SLC25A21: variants seen among roughly 807,000 people sequenced by gnomAD.
SLC25A21 encodes solute carrier family 25 member 21, also known as mitochondrial 2-oxodicarboxylate carrier.
A neutral mutation model predicts 43.8 loss-of-function variants in SLC25A21; 47 were observed. The observed-to-expected ratio is 1.07, with a 90% CI of 0.85 to 1.37. SLC25A21 has a LOEUF of 1.37. SLC25A21 is among the 40% of genes most tolerant of loss of function. SLC25A21 has a pLI of 0.00. For synonymous variants in SLC25A21, 131 were observed against 121.3 expected (o/e 1.08, Z -0.52); for missense variants, 352 against 350.2 (o/e 1.00, Z -0.04).
chr14:36,698,350 T>C (rs992699688), intron 7 of SLC25A21, among the ~76,000 whole-genome samples: 9 of 152,208 alleles, frequency 5.9e-5, no homozygotes, highest in African/African-American at 2.2e-4. Context: ...TTAACACCTT[T>C]TCCTTCATTT....
At chr14:37,111,934 C>T (rs1447741913) in intron 1 of SLC25A21, among the ~76,000 whole-genome samples, 3 of 152,052 alleles carry the variant, frequency 2.0e-5, no homozygotes, top group African/African-American at 7.2e-5. Flanking sequence ...GAGGACAAAT[C>T]GTGAAATGGA....
chr14:36,982,724 G>A (rs963617455), intron 1 of SLC25A21, among the ~76,000 whole-genome samples: 21 of 152,098 alleles, frequency 1.4e-4, no homozygotes, highest in Admixed American at 6.6e-5. Flanking sequence ...TGAGATGGGA[G>A]GATCGCTTGA....
At position 36,761,127 on chromosome 14, in the gene SLC25A21, A is replaced by C. The variant is rs372689211; in HGVS notation, c.204-26554T>G. ...CCTCTAAGGAGCTCAGCTCCTGCCC[A>C]TTCTCTCGTGAAAGGTTATCCGTGC... On this transcript the variant is annotated intron_variant, in intron 3 of 9. Coordinates refer to ENST00000331299, the MANE Select transcript of SLC25A21 (RefSeq NM_030631.4). Among the ~76,000 whole-genome samples the C allele has an allele frequency of 3.2e-4, 49 of 152,186 alleles. No homozygotes were observed. The South Asian group carries it at 1.0e-2, about 31-fold the overall frequency.
intron 2 of SLC25A21, among the ~76,000 whole-genome samples, chr14:36,840,408 TTA>T (rs1160415315): frequency 2.0e-5 from 3 of 152,222 alleles, no homozygotes; most frequent in Non-Finnish European, 4.4e-5. Flanking sequence ...AAAATAACTG[TTA>T]TGTTATTCCT....
chr14:37,094,771 G>A (rs531260289), intron 1 of SLC25A21, among the ~76,000 whole-genome samples: 3 of 150,420 alleles, frequency 2.0e-5, no homozygotes, highest in African/African-American at 7.3e-5. Flanking sequence ...GTTAAATATC[G>A]CCAGTAGCAG....
Position 36,906,541 on chromosome 14 carries a change from C to G in SLC25A21, c.71-31537G>C, listed in dbSNP as rs111797060. Among the ~76,000 whole-genome samples the G allele has an allele frequency of 2.7e-5, 4 of 150,898 alleles. 1 individual carries two copies. The highest frequency in any genetic ancestry group is 9.8e-5 in the African/African-American group (4 of 40,996). ...TTTTTTTTTTAGATGGAGTCTCACT[C>G]TGTCGCCAGGCTAGAGTGCAGTGGC... On this transcript the variant is annotated intron_variant, in intron 1 of 9. Transcript: ENST00000331299.
chr14:36,709,015 T>G (rs867667512), intron 7 of SLC25A21, among the ~76,000 whole-genome samples: 21 of 151,952 alleles, frequency 1.4e-4, no homozygotes, highest in Admixed American at 3.9e-4. Flanking sequence ...TCTTTTTTTT[T>G]TTGTTTTTTT....
chr14:36,920,842 T>G (rs17105714), intron 1 of SLC25A21, among the ~76,000 whole-genome samples: 13,984 of 152,104 alleles, frequency 0.092, 801 homozygotes, highest in Middle Eastern at 0.18. Context: ...TCACATATCT[T>G]ACGGGCAAAG....
intron 1 of SLC25A21, among the ~76,000 whole-genome samples, chr14:37,161,209 G>A (rs1268877489): frequency 6.6e-6 from 1 of 152,006 alleles, no homozygotes; most frequent in Non-Finnish European, 1.5e-5. Flanking sequence ...AAAGAAGAGG[G>A]TAAAAATCAA....
intron 2 of SLC25A21, among the ~76,000 whole-genome samples, chr14:36,860,386 T>C (rs946548401): frequency 1.2e-4 from 19 of 152,210 alleles, no homozygotes; most frequent in Admixed American, 7.2e-4. Flanking sequence ...CAAGACCATG[T>C]AGGGAAATGC....
At chr14:37,090,861 C>T (rs1167539967) in intron 1 of SLC25A21, among the ~76,000 whole-genome samples, 3 of 152,116 alleles carry the variant, frequency 2.0e-5, no homozygotes, top group Non-Finnish European at 4.4e-5. Flanking sequence ...CTAGTTATGT[C>T]CAATAAAGTT....
At chr14:37,030,532 G>T (rs565735620) in intron 1 of SLC25A21, among the ~76,000 whole-genome samples, 2 of 152,248 alleles carry the variant, frequency 1.3e-5, no homozygotes, top group South Asian at 2.1e-4. Flanking sequence ...AAAAAGTCTT[G>T]CACCATGTAC....
At chr14:36,924,581 T>A (rs888967426) in intron 1 of SLC25A21, among the ~76,000 whole-genome samples, 1 of 152,036 alleles carries the variant, frequency 6.6e-6, no homozygotes, top group East Asian at 1.9e-4. Flanking sequence ...ATGGAAATGA[T>A]GAGTTAATGG....
chr14:37,044,473 A>G (rs1961546048), intron 1 of SLC25A21, among the ~76,000 whole-genome samples: 1 of 152,206 alleles, frequency 6.6e-6, no homozygotes, highest in South Asian at 2.1e-4. Flanking sequence ...TTTCAGTGCA[A>G]ATACACTTTG....
chr14:36,943,088 C>G (rs898846449), intron 1 of SLC25A21, among the ~76,000 whole-genome samples: 1 of 152,162 alleles, frequency 6.6e-6, no homozygotes, highest in African/African-American at 2.4e-5. Flanking sequence ...ACACATCAGT[C>G]AAGTCCACCA....
intron 1 of SLC25A21, among the ~76,000 whole-genome samples, chr14:37,043,932 G>GT (rs1944478047): frequency 2.2e-5 from 2 of 89,734 alleles, no homozygotes; most frequent in African/African-American, 8.1e-5. Context: ...TTTGTTTTAT[G>GT]TTTTTTTGTT....
chr14:36,928,132 G>C (rs1892183492), intron 1 of SLC25A21, among the ~76,000 whole-genome samples: 1 of 152,146 alleles, frequency 6.6e-6, no homozygotes, highest in South Asian at 2.1e-4. Flanking sequence ...CCCGCGAAGA[G>C]GTCCCCCCTC....
intron 1 of SLC25A21, 37 bp downstream of exon 1, chr14:37,172,244 G>T (rs1369594402): frequency 6.4e-7 from 1 of 1,556,574 alleles, no homozygotes; most frequent in East Asian, 2.4e-5. Context: ...TGGGGAAAGC[G>T]ACTAGCCTCC....
At chr14:36,891,801 C>T (rs1698690032) in intron 1 of SLC25A21, among the ~76,000 whole-genome samples, 2 of 152,124 alleles carry the variant, frequency 1.3e-5, no homozygotes, top group South Asian at 4.1e-4. Context: ...CTAACTGGAA[C>T]TTCAAAGAGG....
Sources: allele counts gnomAD v4.1 joint callset (sites outside exome capture counted in the v4.1 genomes callset), GRCh38; gene constraint gnomAD v4.1.1; transcripts MANE v1.5; gene names NCBI Gene and HGNC (gene_info 2026-07-23, HGNC 2026-07-21).